GALNT17: variants seen among roughly 807,000 people sequenced by gnomAD.
GALNT17 encodes the protein polypeptide N-acetylgalactosaminyltransferase 17, also known as UDP-GalNAc:polypeptide N-acetylgalactosaminyltransferase-like 3.
GALNT17 carries 29 observed loss-of-function variants against 63.7 expected under a neutral mutation model. The observed-to-expected ratio is 0.46, with a 90% CI of 0.34 to 0.62. GALNT17 has a LOEUF of 0.62. Ranked by LOEUF, GALNT17 falls within the 20% of genes least tolerant of loss-of-function variation. The pLI, the probability that GALNT17 is intolerant of heterozygous loss-of-function variation, is 0.01. For synonymous variants in GALNT17, 305 were observed against 318.3 expected, an observed-to-expected ratio of 0.96 and a Z score of 0.45; for missense variants, 603 against 799.6, an observed-to-expected ratio of 0.75 and a Z score of 2.97.
intron 2 of GALNT17, among the ~76,000 whole-genome samples, chr7:71,381,181 T>C (rs1210132303): frequency 6.6e-6 from 1 of 151,946 alleles, no homozygotes; most frequent in African/African-American, 2.4e-5. Flanking sequence ...AGACTGGTCT[T>C]GAACTCCTGA....
At chr7:71,290,904 G>C (rs556719610) in intron 1 of GALNT17, among the ~76,000 whole-genome samples, 1 of 152,104 alleles carries the variant, frequency 6.6e-6, no homozygotes, top group Non-Finnish European at 1.5e-5. Context: ...TCTCTGCCTC[G>C]CTCTGTGACC....
intron 1 of GALNT17, among the ~76,000 whole-genome samples, chr7:71,157,596 T>G (rs1788260400): frequency 1.3e-5 from 2 of 151,796 alleles, no homozygotes; most frequent in African/African-American, 4.9e-5. Flanking sequence ...AGGCAGAGGT[T>G]GCAGCGAGCC....
At chr7:71,341,621 A>G (rs1046298273) in intron 2 of GALNT17, among the ~76,000 whole-genome samples, 1 of 152,218 alleles carries the variant, frequency 6.6e-6, no homozygotes, top group Non-Finnish European at 1.5e-5. Flanking sequence ...ACAATGGAAG[A>G]ATGCTTAAAT....
chr7:71,301,057 G>C (rs1394580164), intron 1 of GALNT17: 1 of 152,140 alleles, frequency 6.6e-6, no homozygotes, highest in Non-Finnish European at 1.5e-5. Flanking sequence ...GGAGGCAGAG[G>C]TGGGAGGATC....
intron 5 of GALNT17, among the ~76,000 whole-genome samples, chr7:71,548,434 G>T (rs1423485937): frequency 6.6e-6 from 1 of 152,122 alleles, no homozygotes; most frequent in Non-Finnish European, 1.5e-5. Context: ...TTCTTTTGTT[G>T]GGAGGAGGGA....
chr7:71,456,632 G>A (rs1296412540), intron 5 of GALNT17, among the ~76,000 whole-genome samples: 2 of 151,882 alleles, frequency 1.3e-5, no homozygotes, highest in African/African-American at 4.8e-5. Context: ...GCTATGGCAG[G>A]AGAATCGCTT....
At chr7:71,133,114 C>A in intron 1 of GALNT17, 74 bp downstream of exon 1, 3 of 1,294,500 alleles carry the variant, frequency 2.3e-6, no homozygotes, top group Non-Finnish European at 2.0e-6. Context: ...AGGGTCCTTG[C>A]GCGCTGCGCC....
At chr7:71,351,082 A>T (rs1792181081) in intron 2 of GALNT17, among the ~76,000 whole-genome samples, 1 of 152,220 alleles carries the variant, frequency 6.6e-6, no homozygotes. Context: ...CAGAGGGTGC[A>T]GTGAGCCAAG....
intron 9 of GALNT17, among the ~76,000 whole-genome samples, chr7:71,692,341 G>C (rs1367934921): frequency 1.3e-5 from 2 of 152,056 alleles, no homozygotes; most frequent in African/African-American, 4.8e-5. Flanking sequence ...GTTACTTTCA[G>C]CTTTTCTTTT....
chr7:71,142,490 A>G (rs182254473), intron 1 of GALNT17, among the ~76,000 whole-genome samples: 154 of 152,328 alleles, frequency 1.0e-3, no homozygotes, highest in African/African-American at 3.3e-3. Context: ...ACAGAACACA[A>G]TGGTCATTCA....
intron 2 of GALNT17, among the ~76,000 whole-genome samples, chr7:71,369,554 T>C (rs1792578178): frequency 6.6e-6 from 1 of 152,140 alleles, no homozygotes; most frequent in Non-Finnish European, 1.5e-5. Flanking sequence ...GGCTCACGCC[T>C]GTAATCCCAG....
chr7:71,574,864 A>G (rs561536136), intron 6 of GALNT17, among the ~76,000 whole-genome samples: 1 of 152,192 alleles, frequency 6.6e-6, no homozygotes, highest in South Asian at 2.1e-4. Context: ...TTCCTGGCAA[A>G]TGCATGTCCT....
intron 2 of GALNT17, among the ~76,000 whole-genome samples, chr7:71,372,700 T>G (rs1792647034): frequency 6.6e-6 from 1 of 152,240 alleles, no homozygotes; most frequent in Admixed American, 6.5e-5. Flanking sequence ...AGTGATCCTC[T>G]TGCCTCTGCT....
chr7:71,416,876 G>A (rs2116439537), intron 4 of GALNT17, among the ~76,000 whole-genome samples: 1 of 152,282 alleles, frequency 6.6e-6, no homozygotes, highest in African/African-American at 2.4e-5. Context: ...GATAGGCCCT[G>A]ATATTTTTCC....
At position 71,481,301 on chromosome 7, in the gene GALNT17, T is replaced by C. The variant is rs948945216; in HGVS notation, c.962+60196T>C. On this transcript the variant is annotated intron_variant, in intron 5 of 10. Coordinates refer to ENST00000333538, the MANE Select transcript of GALNT17 (RefSeq NM_022479.3). ...ATCTCTAGTCAAAAAAATACAAAAA[T>C]TAGTCAGGGGTGGTGGGTGCACATG... is the stretch of plus-strand genomic sequence containing the variant. Among the ~76,000 whole-genome samples, 9 of 151,880 alleles carry C rather than the reference T, an allele frequency of 5.9e-5. No individual in the cohort carries two copies. In the South Asian group the frequency reaches 1.9e-3, roughly 32 times the overall value.
intron 6 of GALNT17, among the ~76,000 whole-genome samples, chr7:71,589,689 C>T (rs893886569): frequency 6.6e-6 from 1 of 152,094 alleles, no homozygotes; most frequent in Non-Finnish European, 1.5e-5. Flanking sequence ...GATTTCTGTG[C>T]GTTTTTCATT....
intron 6 of GALNT17, among the ~76,000 whole-genome samples, chr7:71,621,529 GGATGGATT>G (rs1289970740): frequency 1.4e-4 from 14 of 101,020 alleles, no homozygotes; most frequent in African/African-American, 4.2e-4. Flanking sequence ...ATGGATGGAT[GGATGGATT>G]GATGGATTGA....
At chr7:71,516,566 T>C (rs554734269) in intron 5 of GALNT17, among the ~76,000 whole-genome samples, 241 of 152,220 alleles carry the variant, frequency 1.6e-3, no homozygotes, top group African/African-American at 5.5e-3. Flanking sequence ...GATCTTAGGG[T>C]CTACTTCAGA....
chr7:71,535,105 G>T (rs1788783368), intron 5 of GALNT17, among the ~76,000 whole-genome samples: 1 of 152,308 alleles, frequency 6.6e-6, no homozygotes, highest in East Asian at 1.9e-4. Context: ...CCAATGGGAA[G>T]ATGTGAGGAA....
Sources: allele counts gnomAD v4.1 joint callset (sites outside exome capture counted in the v4.1 genomes callset), GRCh38; gene constraint gnomAD v4.1.1; transcripts MANE v1.5; gene names NCBI Gene and HGNC (gene_info 2026-07-23, HGNC 2026-07-21).